The following IKZF3 variants were observed in gnomAD, a reference collection of about 807,000 sequenced individuals.
IKZF3 encodes IKAROS family zinc finger 3, also known as zinc finger protein Aiolos.
Under a neutral mutation model 49.0 loss-of-function variants are expected in IKZF3, and 10 were observed. The observed-to-expected ratio is 0.20, with a 90% confidence interval of 0.13 to 0.35. The LOEUF is 0.35. IKZF3 is among the 10% of genes least tolerant of loss of function. The pLI is 1.00. For missense variants in IKZF3, 498 were observed against 664.8 expected (o/e 0.75, Z 2.76); for synonymous variants, 209 against 228.2 (o/e 0.92, Z 0.76).
rs2060112452 is a variant in IKZF3, at chr17:39,758,512, G to A, written c.*7278C>T. The A allele has an allele frequency of 6.6e-6, 1 of 152,186 alleles. No homozygotes were observed. The highest frequency in any genetic ancestry group is 6.5e-5 in the Admixed American group (1 of 15,278). 9.4% of individuals were successfully genotyped at this position (152,186 alleles called of 1,614,324 possible). A position where few individuals can be genotyped will look rare whatever the true frequency, so the allele number is the denominator to read the frequency against. Reference sequence around the variant, plus strand: ...AGTGTGAGATAGACACAGATCTGTGGCGAGGGATTGGGGAAGGTGGGTGGC... The same window carrying A: ...AGTGTGAGATAGACACAGATCTGTGACGAGGGATTGGGGAAGGTGGGTGGC... On this transcript the variant is annotated 3_prime_UTR_variant, in exon 8 of 8. Coordinates refer to ENST00000346872, the MANE Select transcript of IKZF3 (RefSeq NM_012481.5).
At chr17:39,804,275 T>G (rs575661579) in intron 3 of IKZF3, among the ~76,000 whole-genome samples, 4 of 151,986 alleles carry the variant, frequency 2.6e-5, no homozygotes, top group Non-Finnish European at 5.9e-5. Flanking sequence ...GGTGAATCCC[T>G]GTCTCTACTA....
rs1327033318 is a variant in IKZF3, at chr17:39,758,061, C to T, written c.*7729G>A. The stretch of plus-strand genomic sequence containing the variant: ...CCGCCTTCCCTCCCAGTGGGAAGGC[C>T]ACCCTGAGCCCCAAACCACATTCTG... On this transcript the variant is annotated 3_prime_UTR_variant, in exon 8 of 8. Coordinates refer to ENST00000346872, the MANE Select transcript of IKZF3 (RefSeq NM_012481.5). 1 of 152,216 alleles carries T rather than the reference C, an allele frequency of 6.6e-6. No individual in the cohort carries two copies. The highest frequency in any genetic ancestry group is 1.5e-5 in the Non-Finnish European group (1 of 68,056). 9.4% of individuals were successfully genotyped at this position (152,216 alleles called of 1,614,324 possible). A position where few individuals can be genotyped will look rare whatever the true frequency, so the allele number is the denominator to read the frequency against.
intron 3 of IKZF3, among the ~76,000 whole-genome samples, chr17:39,809,250 T>G (rs1186643801): frequency 6.6e-6 from 1 of 152,236 alleles, no homozygotes; most frequent in Non-Finnish European, 1.5e-5. Context: ...TATCACCCAG[T>G]GCAGAATGTA....
Position 39,759,866 on chromosome 17 carries a change from A to T in IKZF3, c.*5924T>A, listed in dbSNP as rs1407613569. ...CTTCCCATTCTCTAAAAGATGAGGTATCACTATATATCGGGTTTTTTTCTT... is the reference window on the plus strand; with the variant it reads ...CTTCCCATTCTCTAAAAGATGAGGTTTCACTATATATCGGGTTTTTTTCTT... On this transcript the variant is annotated 3_prime_UTR_variant, in exon 8 of 8. Coordinates refer to ENST00000346872, the MANE Select transcript of IKZF3 (RefSeq NM_012481.5). 1 of 152,228 alleles carries T rather than the reference A, an allele frequency of 6.6e-6. No individual in the cohort carries two copies. The highest frequency in any genetic ancestry group is 6.5e-5 in the Admixed American group (1 of 15,286). The allele number at this position is 152,228 out of a possible 1,614,324, so 9.4% of individuals were successfully genotyped here.
chr17:39,790,513 G>A (rs991866076), intron 5 of IKZF3, among the ~76,000 whole-genome samples: 5 of 152,072 alleles, frequency 3.3e-5, no homozygotes, highest in Non-Finnish European at 7.4e-5. Context: ...TTTGGGGCTA[G>A]GTTTTAATCA....
chr17:39,811,466 A>G (rs1184510701), intron 3 of IKZF3, among the ~76,000 whole-genome samples: 1 of 151,990 alleles, frequency 6.6e-6, no homozygotes, highest in Non-Finnish European at 1.5e-5. Flanking sequence ...GAAAGGAAGA[A>G]AGAAAAGAAA....
intron 3 of IKZF3, among the ~76,000 whole-genome samples, chr17:39,807,955 G>C (rs1420597524): frequency 6.6e-6 from 1 of 152,158 alleles, no homozygotes; most frequent in Non-Finnish European, 1.5e-5. Context: ...CATGGTGGTA[G>C]TTGTACAGCT....
chr17:39,761,291 C>T lies in IKZF3; in HGVS notation c.*4499G>A, dbSNP rs2060176606. The stretch of plus-strand genomic sequence containing the variant: ...TTTTTGGGAGAATAACTTGAGGAAA[C>T]TAAAGACTGATGAGTTCATTTTCTC... On this transcript the variant is annotated 3_prime_UTR_variant, in exon 8 of 8. Transcript: ENST00000346872. 6.6e-6 allele frequency: 1 copy of T among 152,122 alleles called. No homozygotes were observed. The highest frequency in any genetic ancestry group is 2.1e-4 in the South Asian group (1 of 4,822). The allele number at this position is 152,122 out of a possible 1,614,324, so 9.4% of individuals were successfully genotyped here.
At chr17:39,845,801 C>T (rs2062613407) in intron 1 of IKZF3, among the ~76,000 whole-genome samples, 1 of 152,074 alleles carries the variant, frequency 6.6e-6, no homozygotes, top group Admixed American at 6.6e-5. Flanking sequence ...ACGCAGTAAT[C>T]AAAGAAATAA....
At chr17:39,813,303 GA>G (rs71355420) in intron 3 of IKZF3, among the ~76,000 whole-genome samples, 8,712 of 125,910 alleles carry the variant, frequency 0.069, 330 homozygotes, top group African/African-American at 0.13. Context: ...GCTTAGTTAT[GA>G]AAAAAAAAAA....
At chr17:39,799,652 A>G (rs979375983) in intron 3 of IKZF3, among the ~76,000 whole-genome samples, 1 of 152,204 alleles carries the variant, frequency 6.6e-6, no homozygotes, top group Non-Finnish European at 1.5e-5. Context: ...ATCCTCAAGG[A>G]TTCTTATGCA....
At chr17:39,845,326 C>T (rs969150211) in intron 1 of IKZF3, among the ~76,000 whole-genome samples, 2 of 151,904 alleles carry the variant, frequency 1.3e-5, no homozygotes, top group African/African-American at 4.8e-5. Context: ...TCGAGACCAG[C>T]CTGGTCAACA....
chr17:39,811,374 G>A (rs2061555510), intron 3 of IKZF3, among the ~76,000 whole-genome samples: 1 of 143,782 alleles, frequency 7.0e-6, no homozygotes, highest in Admixed American at 7.1e-5. Context: ...AAAGAAAGAA[G>A]GAAGGAAGGA....
At chr17:39,835,620 T>G in intron 1 of IKZF3, 1 of 436,714 alleles carries the variant, frequency 2.3e-6, no homozygotes, top group Non-Finnish European at 4.5e-6. Context: ...GGCCTCGACC[T>G]CAGCAATGAT....
intron 3 of IKZF3, among the ~76,000 whole-genome samples, chr17:39,796,211 C>G (rs1877534899): frequency 6.6e-6 from 1 of 152,068 alleles, no homozygotes. Flanking sequence ...CTTATTGAAG[C>G]AGAGAAAAGG....
chr17:39,860,617 C>T lies in IKZF3; in HGVS notation c.7+3503G>A, dbSNP rs571278142. ...AGTGAATTAACACAGAAACAGAAAA[C>T]CAAATACCGCATGTTCTCACTTATG... On this transcript the variant is annotated intron_variant, in intron 1 of 7. Coordinates refer to ENST00000346872, the MANE Select transcript of IKZF3 (RefSeq NM_012481.5). 1.1e-3 allele frequency among the ~76,000 whole-genome samples: 160 copies of T among 152,278 alleles called. 1 individual carries two copies. The highest frequency in any genetic ancestry group is 1.8e-3 in the Admixed American group (27 of 15,298).
intron 7 of IKZF3, among the ~76,000 whole-genome samples, chr17:39,774,326 G>A (rs368487137): frequency 5.9e-5 from 9 of 152,136 alleles, no homozygotes; most frequent in African/African-American, 2.2e-4. Context: ...AAAAAACAGT[G>A]CCTTGGAGAG....
intron 3 of IKZF3, among the ~76,000 whole-genome samples, chr17:39,815,164 G>C (rs2061650788): frequency 6.6e-6 from 1 of 152,168 alleles, no homozygotes; most frequent in African/African-American, 2.4e-5. Context: ...ACATATACAT[G>C]CTCATGACAG....
At chr17:39,783,323 A>T (rs895932301) in intron 6 of IKZF3, among the ~76,000 whole-genome samples, 1 of 152,170 alleles carries the variant, frequency 6.6e-6, no homozygotes. Context: ...CCTGTGAGAT[A>T]GCATTTTTTA....
Sources: gnomAD v4.1 joint callset for allele counts (sites outside exome capture counted in the v4.1 genomes callset) on GRCh38, gnomAD v4.1.1 for gene constraint, MANE v1.5 for transcripts, NCBI Gene and HGNC (gene_info 2026-07-23, HGNC 2026-07-21) for gene names.